Variants in PIK3C3 observed in about 807,000 individuals in gnomAD.
PIK3C3 encodes the protein PI3-kinase type 3.
Under a neutral mutation model 126.1 loss-of-function variants are expected in PIK3C3, and 95 were observed. The ratio of observed to expected loss-of-function variants is 0.75; its 90% CI spans 0.64 to 0.89. The LOEUF is 0.89. PIK3C3 is among the 40% of genes least tolerant of loss of function. The pLI, the probability that PIK3C3 is intolerant of heterozygous loss-of-function variation, is 0.00. For missense variants in PIK3C3, 829 were observed against 1,063.2 expected, an observed-to-expected ratio of 0.78 and a Z score of 3.06; for synonymous variants, 374 against 360.0, an observed-to-expected ratio of 1.04 and a Z score of -0.44.
chr18:42,000,123 G>T (rs1355196753), intron 9 of PIK3C3, among the ~76,000 whole-genome samples: 1 of 152,064 alleles, frequency 6.6e-6, no homozygotes, highest in South Asian at 2.1e-4. Flanking sequence ...GCATGATCTC[G>T]GCTCACTGCA....
intron 4 of PIK3C3, chr18:41,985,191 A>G (rs1198363694): frequency 6.6e-6 from 1 of 152,194 alleles, no homozygotes; most frequent in Non-Finnish European, 1.5e-5. Flanking sequence ...GACTACAAGA[A>G]AAAATTATTT....
At chr18:41,955,439 C>A in intron 1 of PIK3C3, 80 bp downstream of exon 1, 2 of 1,223,942 alleles carry the variant, frequency 1.6e-6, no homozygotes, top group South Asian at 1.3e-5. Flanking sequence ...GAGTGAGAGG[C>A]AGAAAGTACG....
intron 3 of PIK3C3, among the ~76,000 whole-genome samples, chr18:41,966,177 CTTTT>C (rs10539758): frequency 1.8e-5 from 2 of 112,570 alleles, no homozygotes; most frequent in South Asian, 5.4e-4. Context: ...TATATTGTTC[CTTTT>C]TTTTTTTTTT....
At position 41,992,495 on chromosome 18, in the gene PIK3C3, A is replaced by G. The variant is rs574388187; in HGVS notation, c.715-775A>G. On this transcript the variant is annotated intron_variant, in intron 6 of 24. Transcript: ENST00000262039. ...ACTAGCATTTGGAAATTGACAGAAA[A>G]GCTTGATGCTAAATATACAGTCATG... Among the ~76,000 whole-genome samples the G allele has an allele frequency of 3.9e-5, 6 of 152,300 alleles. No individual in the cohort carries two copies. In the East Asian group the frequency reaches 1.2e-3, roughly 29 times the overall value.
Position 42,020,686 on chromosome 18 carries a change from C to T in PIK3C3, c.1465C>T (p.Leu489=), listed in dbSNP as rs367968719. ...LISRACKNST[L]ANYLYWYVIV... is the part of the protein sequence containing the mutation. The stretch of plus-strand genomic sequence containing the variant: ...ATCGAGAGCCTGCAAAAACTCAACA[C>T]TGGCTAATTATTTATACTGGTATGT... The change falls in exon 13 of 25, where the codon CTG becomes TTG. Residue 489 remains leucine (L), a synonymous_variant. Transcript: ENST00000262039. 1 of 1,596,038 alleles carries T rather than the reference C, an allele frequency of 6.3e-7. No homozygotes were observed. Among genetic ancestry groups the T allele is most frequent in the Non-Finnish European group, 8.6e-7 (1 of 1,164,950 alleles).
rs541788668 is a variant in PIK3C3, at chr18:42,053,750, G to C, written c.2264-4133G>C. The stretch of plus-strand genomic sequence containing the variant: ...TTTTTGTTTTTATTTTTGGGAGTTT[G>C]AGGAAAGAGGGGAAGGCAGTATAAC... On this transcript the variant is annotated intron_variant, in intron 21 of 24. Coordinates refer to ENST00000262039, the MANE Select transcript of PIK3C3 (RefSeq NM_002647.4). 3.9e-5 allele frequency among the ~76,000 whole-genome samples: 6 copies of C among 152,172 alleles called. No individual in the cohort carries two copies. In the East Asian group the frequency reaches 1.2e-3, roughly 30 times the overall value.
intron 7 of PIK3C3, among the ~76,000 whole-genome samples, chr18:41,994,292 A>G (rs938931059): frequency 6.6e-6 from 1 of 152,176 alleles, no homozygotes. Context: ...GTATAGTAGA[A>G]TCCAGTTAAT....
chr18:42,013,861 C>G (rs528208304), intron 11 of PIK3C3, among the ~76,000 whole-genome samples: 1 of 152,134 alleles, frequency 6.6e-6, no homozygotes, highest in African/African-American at 2.4e-5. Context: ...ATTACATATT[C>G]TCTATGTGTC....
chr18:41,969,128 T>A (rs986348516), intron 3 of PIK3C3, among the ~76,000 whole-genome samples: 1 of 127,732 alleles, frequency 7.8e-6, no homozygotes, highest in African/African-American at 3.7e-5. Flanking sequence ...CTGTACCTTG[T>A]TTTTTTTTTA....
At chr18:41,969,326 AT>A (rs998578915) in intron 3 of PIK3C3, among the ~76,000 whole-genome samples, 2 of 152,124 alleles carry the variant, frequency 1.3e-5, no homozygotes, top group Non-Finnish European at 2.9e-5. Context: ...GTTCAAAAAT[AT>A]TTTTTTGAAA....
intron 22 of PIK3C3, among the ~76,000 whole-genome samples, chr18:42,060,142 A>T (rs1427774634): frequency 6.6e-6 from 1 of 152,130 alleles, no homozygotes; most frequent in Non-Finnish European, 1.5e-5. Context: ...CCTTCAGGAT[A>T]TAAGAATTAA....
chr18:42,084,238 A>G lies in PIK3C3; in HGVS notation c.*3101A>G, dbSNP rs1029621107. 4 of 152,290 alleles carry G rather than the reference A, an allele frequency of 2.6e-5. No individual in the cohort carries two copies. Among genetic ancestry groups the G allele is most frequent in the South Asian group, 2.1e-4 (1 of 4,826 alleles). 9.4% of individuals were successfully genotyped at this position (152,290 alleles called of 1,614,324 possible). On this transcript the variant is annotated 3_prime_UTR_variant, in exon 25 of 25. Transcript: ENST00000262039. ...ATAACATTGCGATTTAAAACAATAA[A>G]CCAGATTGAGATTCTAAGGAGCATT...
intron 24 of PIK3C3, among the ~76,000 whole-genome samples, chr18:42,071,468 C>T (rs1167680882): frequency 1.3e-5 from 2 of 152,064 alleles, no homozygotes; most frequent in African/African-American, 4.8e-5. Flanking sequence ...GCCTGTAATC[C>T]CAGCACTTTG....
chr18:41,981,236 A>G (rs1026014996), intron 4 of PIK3C3, among the ~76,000 whole-genome samples: 1 of 152,100 alleles, frequency 6.6e-6, no homozygotes, highest in East Asian at 1.9e-4. Flanking sequence ...GAAGTTTTGG[A>G]TTTGTCTGGA....
chr18:42,027,391 C>T, intron 13 of PIK3C3, 52 bp from the exon 14 acceptor site: 1 of 1,011,744 alleles, frequency 9.9e-7, no homozygotes, highest in Non-Finnish European at 1.5e-6. Context: ...TATTTACAAA[C>T]TGAATCTAAG....
At chr18:41,975,513 G>T (rs1980873209) in intron 4 of PIK3C3, among the ~76,000 whole-genome samples, 2 of 152,224 alleles carry the variant, frequency 1.3e-5, no homozygotes, top group South Asian at 4.1e-4. Context: ...TTACAAATTT[G>T]TGGTGGGTGA....
intron 19 of PIK3C3, among the ~76,000 whole-genome samples, chr18:42,041,634 C>G (rs1225323197): frequency 2.0e-5 from 3 of 150,932 alleles, no homozygotes; most frequent in Admixed American, 1.3e-4. Flanking sequence ...ATGGATACAC[C>G]TGAGATGAAA....
At chr18:42,002,907 TAGTGTTGTCAGAGTAATGGCTCCA>T (rs1982358055) in intron 9 of PIK3C3, among the ~76,000 whole-genome samples, 1 of 152,162 alleles carries the variant, frequency 6.6e-6, no homozygotes, top group African/African-American at 2.4e-5. Flanking sequence ...TTCAGGAGAT[TAGTGTTGTCAGAGTAATGGCTCCA>T]AGGGGAATGG....
chr18:42,036,123 G>A (rs1026071993), intron 16 of PIK3C3, among the ~76,000 whole-genome samples: 2 of 152,040 alleles, frequency 1.3e-5, no homozygotes, highest in Non-Finnish European at 2.9e-5. Context: ...CAAATAAAAG[G>A]ATATTCCAAA....
Sources: gnomAD v4.1 joint callset for allele counts (sites outside exome capture counted in the v4.1 genomes callset) on GRCh38, gnomAD v4.1.1 for gene constraint, MANE v1.5 for transcripts, NCBI Gene and HGNC (gene_info 2026-07-23, HGNC 2026-07-21) for gene names.